Variants in LNPK observed in about 807,000 individuals in gnomAD.
The protein encoded by LNPK is lunapark, ER junction formation factor, also known as endoplasmic reticulum junction formation protein lunapark.
Under a neutral mutation model 55.2 loss-of-function variants are expected in LNPK, and 29 were observed. That is an observed-to-expected ratio of 0.53 (90% CI 0.39 to 0.72). The LOEUF (loss-of-function observed/expected upper bound fraction) is 0.72, where lower values mean the gene tolerates loss of function less well. LNPK is among the 30% of genes least tolerant of loss of function. The probability of loss-of-function intolerance (pLI) is 0.00; values close to 1 mark genes in which losing one functional copy is unlikely to be tolerated. For missense variants in LNPK, 467 were observed against 494.8 expected (o/e 0.94, Z 0.53); for synonymous variants, 162 against 168.2 (o/e 0.96, Z 0.29).
intron 8 of LNPK, among the ~76,000 whole-genome samples, chr2:175,953,712 C>T (rs922137079): frequency 6.6e-6 from 1 of 150,924 alleles, no homozygotes; most frequent in Non-Finnish European, 1.5e-5. Flanking sequence ...GATGATATTC[C>T]TAATTGTTCT....
In LNPK at chr2:175,927,047, A is replaced by G. The variant is rs1198432372; in HGVS notation, c.*2920T>C. The stretch of plus-strand genomic sequence containing the variant: ...TGGGAAGAAACCCTAGGGAAAGAAT[A>G]TGCAGAATGAAGAAATGATGACACT... On this transcript the variant is annotated 3_prime_UTR_variant, in exon 13 of 13. Coordinates refer to ENST00000272748, the MANE Select transcript of LNPK (RefSeq NM_030650.3). 2 of 152,224 alleles carry G rather than the reference A, an allele frequency of 1.3e-5. No individual in the cohort carries two copies. The highest frequency in any genetic ancestry group is 1.3e-4 in the Admixed American group (2 of 15,284). The allele number at this position is 152,224 out of a possible 1,614,324, so 9.4% of individuals were successfully genotyped here.
chr2:175,973,285 A>G (rs772604857), intron 5 of LNPK, among the ~76,000 whole-genome samples: 9 of 152,206 alleles, frequency 5.9e-5, no homozygotes, highest in Middle Eastern at 3.2e-3. Context: ...AAATATGACA[A>G]TAAAACTTTG....
At chr2:175,936,209 G>A (rs1485665436) in intron 12 of LNPK, among the ~76,000 whole-genome samples, 1 of 152,130 alleles carries the variant, frequency 6.6e-6, no homozygotes, top group Admixed American at 6.6e-5. Flanking sequence ...ACAGGCCTCT[G>A]TCATAGCTAT....
chr2:175,972,008 T>G (rs1327329169), intron 5 of LNPK, among the ~76,000 whole-genome samples: 1 of 152,088 alleles, frequency 6.6e-6, no homozygotes, highest in African/African-American at 2.4e-5. Flanking sequence ...AGCCTCTGCC[T>G]CCAGAGTTCA....
chr2:175,994,126 A>G (rs1687825960), intron 2 of LNPK: 28 of 952,154 alleles, frequency 2.9e-5, no homozygotes, highest in Non-Finnish European at 3.1e-5. Flanking sequence ...ACTTGAAAAA[A>G]TATTTACCAA....
rs1686639696 is a variant in LNPK at position 175,971,065 on chromosome 2, A to G, written c.317-261T>C. ...CACCTTTCTAAATTGAAATATATAC[A>G]AATACTTTTTAATGTGTTCAGAAAC... On this transcript the variant is annotated intron_variant, in intron 5 of 12. Transcript: ENST00000272748. 2.0e-5 allele frequency among the ~76,000 whole-genome samples: 3 copies of G among 152,190 alleles called. No individual in the cohort carries two copies. In the South Asian group the frequency reaches 6.2e-4, roughly 32 times the overall value.
rs918554404 is a variant in LNPK at position 176,001,707 on chromosome 2, CAGAA to C, written c.-63+449_-63+452del. On this transcript the variant is annotated intron_variant, in intron 1 of 12. Coordinates refer to ENST00000272748, the MANE Select transcript of LNPK (RefSeq NM_030650.3). ...TAACTCTTGGAGCCTCCGCACAACTCAGAAAGAGAAGCGGAGAGAACGCTCAAAG... is the reference window on the plus strand; with the variant it reads ...TAACTCTTGGAGCCTCCGCACAACTCAGAGAAGCGGAGAGAACGCTCAAAG... Among the ~76,000 whole-genome samples, 10 of 152,264 alleles carry C rather than the reference CAGAA, an allele frequency of 6.6e-5. No individual in the cohort carries two copies. The East Asian group carries it at 1.9e-3, about 29-fold the overall frequency.
intron 1 of LNPK, among the ~76,000 whole-genome samples, chr2:176,000,738 T>A (rs1306966911): frequency 6.6e-6 from 1 of 152,174 alleles, no homozygotes; most frequent in African/African-American, 2.4e-5. Context: ...ACTATACAAT[T>A]GAAGAGTAAA....
At chr2:175,977,154 GAGACTGGACTAA>G (rs1387431101) in intron 5 of LNPK, among the ~76,000 whole-genome samples, 2 of 152,180 alleles carry the variant, frequency 1.3e-5, no homozygotes, top group East Asian at 3.9e-4. Flanking sequence ...CTGAAGGGAA[GAGACTGGACTAA>G]AGACTTAGAT....
Position 175,929,600 on chromosome 2 carries a change from T to G in LNPK, c.*367A>C, listed in dbSNP as rs564362015. Reference sequence around the variant, plus strand: ...TTTCATTCCTTAAAACAAACACAATTAGAGAACTTACTCTTAACCAAAGTT... The same window carrying G: ...TTTCATTCCTTAAAACAAACACAATGAGAGAACTTACTCTTAACCAAAGTT... On this transcript the variant is annotated 3_prime_UTR_variant, in exon 13 of 13. Coordinates refer to ENST00000272748, the MANE Select transcript of LNPK (RefSeq NM_030650.3). 9.9e-7 allele frequency: 1 copy of G among 1,014,246 alleles called. No individual in the cohort carries two copies. Among genetic ancestry groups the G allele is most frequent in the Non-Finnish European group, 1.2e-6 (1 of 848,088 alleles). 62.8% of individuals were successfully genotyped at this position (1,014,246 alleles called of 1,614,324 possible).
At chr2:175,930,403 A>G (rs1684222982) in intron 12 of LNPK, among the ~76,000 whole-genome samples, 1 of 151,358 alleles carries the variant, frequency 6.6e-6, no homozygotes, top group Non-Finnish European at 1.5e-5. Context: ...ATGATAGAAG[A>G]AAAAAAAAGT....
At chr2:175,939,163 GAAATA>G (rs1684693812) in intron 10 of LNPK, among the ~76,000 whole-genome samples, 1 of 152,004 alleles carries the variant, frequency 6.6e-6, no homozygotes, top group Non-Finnish European at 1.5e-5. Flanking sequence ...AGCATTTTGA[GAAATA>G]AATACATGCA....
At position 175,929,689 on chromosome 2, in the gene LNPK, T is replaced by A; in HGVS notation, c.*278A>T. On this transcript the variant is annotated 3_prime_UTR_variant, in exon 13 of 13. Coordinates refer to ENST00000272748, the MANE Select transcript of LNPK (RefSeq NM_030650.3). ...CAGAAAACAAGAAGGCAATCATGTT[T>A]GCTTACTTTTAGAATGGACAAAAAA... The A allele has an allele frequency of 4.1e-6, 5 of 1,219,932 alleles. No individual in the cohort carries two copies. Among genetic ancestry groups the A allele is most frequent in the African/African-American group, 1.5e-5 (1 of 64,848 alleles). The allele number at this position is 1,219,932 out of a possible 1,614,324, so 75.6% of individuals were successfully genotyped here.
chr2:175,955,320 C>T (rs1010002347), intron 8 of LNPK, among the ~76,000 whole-genome samples: 8 of 152,224 alleles, frequency 5.3e-5, no homozygotes, highest in Middle Eastern at 3.4e-3. Flanking sequence ...TCAACTGACC[C>T]GAGAGAAGTC....
intron 3 of LNPK, among the ~76,000 whole-genome samples, chr2:175,992,747 A>G (rs1326892863): frequency 2.6e-5 from 4 of 152,156 alleles, no homozygotes; most frequent in Non-Finnish European, 4.4e-5. Context: ...TTCCTCCTAT[A>G]AAAGGCATTT....
At chr2:175,961,381 T>C (rs1345155490) in intron 8 of LNPK, among the ~76,000 whole-genome samples, 1 of 152,208 alleles carries the variant, frequency 6.6e-6, no homozygotes, top group African/African-American at 2.4e-5. Flanking sequence ...ATCCCTGGGA[T>C]GCAAGGCTGG....
intron 10 of LNPK, 115 bp downstream of exon 10, chr2:175,939,437 C>T (rs1684706269): frequency 4.2e-6 from 2 of 480,646 alleles, no homozygotes; most frequent in Non-Finnish European, 3.8e-6. Context: ...ATAAAATACT[C>T]CACTATGCTC....
At chr2:175,949,554 T>G (rs1405470291) in intron 8 of LNPK, among the ~76,000 whole-genome samples, 1 of 152,070 alleles carries the variant, frequency 6.6e-6, no homozygotes, top group Non-Finnish European at 1.5e-5. Flanking sequence ...CTATTATCCT[T>G]CCTCTTCACG....
chr2:175,952,368 ATTTTATACTATAG>A (rs1685463920), intron 8 of LNPK, among the ~76,000 whole-genome samples: 1 of 151,914 alleles, frequency 6.6e-6, no homozygotes, highest in African/African-American at 2.4e-5. Context: ...CTATAGTATA[ATTTTATACTATAG>A]TACTATAGTT....
Sources: allele counts gnomAD v4.1 joint callset (sites outside exome capture counted in the v4.1 genomes callset), GRCh38; gene constraint gnomAD v4.1.1; transcripts MANE v1.5; gene names NCBI Gene and HGNC (gene_info 2026-07-23, HGNC 2026-07-21).